Variants in LRP1B observed in about 807,000 individuals in gnomAD.
LRP1B encodes the protein LDL receptor related protein 1B, also known as low-density lipoprotein receptor-related protein 1B.
Under a neutral mutation model 556.6 loss-of-function variants are expected in LRP1B, and 217 were observed. The observed-to-expected ratio is 0.39, with a 90% CI of 0.35 to 0.44. The LOEUF (loss-of-function observed/expected upper bound fraction) is 0.44. Ranked by LOEUF, LRP1B falls within the 20% of genes least tolerant of loss-of-function variation. The pLI is 1.00. For synonymous variants in LRP1B, 2,047 were observed against 1,865.8 expected (o/e 1.10, Z -2.50); for missense variants, 5,053 against 5,620.8 (o/e 0.90, Z 3.23).
intron 32 of LRP1B, among the ~76,000 whole-genome samples, chr2:140,801,399 T>C (rs1690504585): frequency 6.6e-6 from 1 of 151,990 alleles, no homozygotes; most frequent in South Asian, 2.1e-4. Context: ...TAGGGCATAA[T>C]TACATAAAGA....
At chr2:140,318,481 A>G (rs1001312011) in intron 82 of LRP1B, among the ~76,000 whole-genome samples, 1 of 152,142 alleles carries the variant, frequency 6.6e-6, no homozygotes, top group African/African-American at 2.4e-5. Flanking sequence ...GCATAAAATG[A>G]TACAATTTGG....
chr2:141,306,943 T>G (rs1686613148), intron 3 of LRP1B, among the ~76,000 whole-genome samples: 1 of 152,150 alleles, frequency 6.6e-6, no homozygotes, highest in South Asian at 2.1e-4. Flanking sequence ...ATTTCTAGTT[T>G]TACTCCATTT....
intron 2 of LRP1B, among the ~76,000 whole-genome samples, chr2:141,753,247 ACT>A (rs144673424): frequency 8.2e-5 from 4 of 48,788 alleles, no homozygotes; most frequent in East Asian, 5.9e-4. Context: ...AAACACACAC[ACT>A]CTCTCTCTCT....
At chr2:140,928,087 A>T (rs1272822057) in intron 20 of LRP1B, among the ~76,000 whole-genome samples, 1 of 151,950 alleles carries the variant, frequency 6.6e-6, no homozygotes, top group Non-Finnish European at 1.5e-5. Context: ...AAGGAATAAG[A>T]CAGAGACTTA....
At chr2:140,501,955 T>C (rs1689216656) in intron 54 of LRP1B, 81 bp from the exon 55 acceptor site, 1 of 948,432 alleles carries the variant, frequency 1.1e-6, no homozygotes, top group Admixed American at 3.0e-5. Flanking sequence ...TTCACAAATA[T>C]CATTAACTCA....
intron 7 of LRP1B, among the ~76,000 whole-genome samples, chr2:141,064,912 C>G (rs572464055): frequency 1.3e-5 from 2 of 151,868 alleles, no homozygotes; most frequent in African/African-American, 4.8e-5. Context: ...ACATATTTTT[C>G]CAAATCATAA....
At chr2:141,373,300 C>T (rs934908657) in intron 3 of LRP1B, among the ~76,000 whole-genome samples, 4 of 151,996 alleles carry the variant, frequency 2.6e-5, no homozygotes, top group African/African-American at 4.8e-5. Flanking sequence ...CACGTGCTAA[C>T]GAAAACGATG....
intron 2 of LRP1B, among the ~76,000 whole-genome samples, chr2:141,503,360 T>C (rs898945708): frequency 1.3e-5 from 2 of 151,132 alleles, no homozygotes; most frequent in African/African-American, 4.8e-5. Context: ...GATAAAGTTT[T>C]CCCTAACTAC....
intron 2 of LRP1B, among the ~76,000 whole-genome samples, chr2:141,616,663 G>C (rs766911596): frequency 6.6e-6 from 1 of 152,168 alleles, no homozygotes; most frequent in Non-Finnish European, 1.5e-5. Context: ...TATAAGTACA[G>C]TTCTTTTTAA....
At chr2:141,716,031 T>C (rs1435805301) in intron 2 of LRP1B, among the ~76,000 whole-genome samples, 1 of 152,186 alleles carries the variant, frequency 6.6e-6, no homozygotes, top group Admixed American at 6.6e-5. Context: ...ATCTTGCCTT[T>C]AGCAATGGGG....
chr2:140,293,779 G>A (rs1231671553), intron 84 of LRP1B, among the ~76,000 whole-genome samples: 1 of 152,140 alleles, frequency 6.6e-6, no homozygotes, highest in Non-Finnish European at 1.5e-5. Flanking sequence ...CAAAAAAACA[G>A]CATCACCATA....
chr2:142,093,482 T>A (rs1263384014), intron 1 of LRP1B, among the ~76,000 whole-genome samples: 1 of 152,086 alleles, frequency 6.6e-6, no homozygotes, highest in Non-Finnish European at 1.5e-5. Context: ...GCAAAGGGAA[T>A]AAACGTGATA....
chr2:140,483,641 T>TATA (rs1491178607), intron 59 of LRP1B, among the ~76,000 whole-genome samples: 110 of 52,186 alleles, frequency 2.1e-3, no homozygotes, highest in Middle Eastern at 0.011. Context: ...TATATATATA[T>TATA]TTTTTTTTTT....
chr2:142,123,614 C>T (rs549891136), intron 1 of LRP1B, among the ~76,000 whole-genome samples: 3 of 149,624 alleles, frequency 2.0e-5, no homozygotes, highest in Admixed American at 1.3e-4. Flanking sequence ...AATGTAATGT[C>T]GGTATCTTAG....
At chr2:140,525,337 T>A (rs1690383917) in intron 49 of LRP1B, among the ~76,000 whole-genome samples, 1 of 151,920 alleles carries the variant, frequency 6.6e-6, no homozygotes, top group South Asian at 2.1e-4. Context: ...TCAGGGCTTA[T>A]GTATGTAAAG....
In LRP1B at chr2:140,467,773, A is replaced by C. The variant is rs565025615; in HGVS notation, c.9625+7365T>G. On this transcript the variant is annotated intron_variant, in intron 60 of 90. Transcript: ENST00000389484. ...GGAAAGCAGAACTCAACAGCAATAA[A>C]ATAGAATATCTGCCAGAAGAAATCT... is the stretch of plus-strand genomic sequence containing the variant. Among the ~76,000 whole-genome samples the C allele has an allele frequency of 3.3e-5, 5 of 152,312 alleles. No homozygotes were observed. The South Asian group carries it at 1.0e-3, about 32-fold the overall frequency.
At chr2:140,568,340 T>TA (rs968159837) in intron 43 of LRP1B, among the ~76,000 whole-genome samples, 3 of 149,110 alleles carry the variant, frequency 2.0e-5, no homozygotes, top group African/African-American at 7.4e-5. Flanking sequence ...ATGAATAAAA[T>TA]AAAAAAATAT....
intron 35 of LRP1B, among the ~76,000 whole-genome samples, chr2:140,748,091 G>GTGT (rs1688378336): frequency 1.6e-4 from 6 of 38,068 alleles, no homozygotes; most frequent in African/African-American, 6.8e-4. Flanking sequence ...AAAGTCCTAT[G>GTGT]AATATATATA....
chr2:141,508,204 C>T (rs1396741533), intron 2 of LRP1B, among the ~76,000 whole-genome samples: 1 of 152,030 alleles, frequency 6.6e-6, no homozygotes, highest in Admixed American at 6.6e-5. Context: ...CCTTTCTTTC[C>T]TCCTTTTGCA....
Sources: allele counts gnomAD v4.1 joint callset (sites outside exome capture counted in the v4.1 genomes callset), GRCh38; gene constraint gnomAD v4.1.1; transcripts MANE v1.5; gene names NCBI Gene and HGNC (gene_info 2026-07-23, HGNC 2026-07-21).